USP14: variants seen among roughly 807,000 people sequenced by gnomAD.
USP14 encodes the protein ubiquitin specific peptidase 14.
In USP14, 38 loss-of-function variants were observed where a neutral mutation model predicts 76.5. The observed-to-expected ratio is 0.50, with a 90% CI of 0.38 to 0.65. The LOEUF is 0.65. Among genes scored for constraint, USP14 ranks in the 30% least tolerant of loss-of-function variants. The pLI, the probability that USP14 is intolerant of heterozygous loss-of-function variation, is 0.00. For synonymous variants in USP14, 192 were observed against 191.7 expected (o/e 1.00, Z -0.01); for missense variants, 467 against 586.5 (o/e 0.80, Z 2.10).
At position 207,257 on chromosome 18, in the gene USP14, C is replaced by CACA. The variant is rs1910555850; in HGVS notation, c.1164+2567_1164+2568insAAC. On this transcript the variant is annotated intron_variant, in intron 13 of 15. Transcript: ENST00000261601. The stretch of plus-strand genomic sequence containing the variant: ...CTTGAAATTGTGAAGTATCAGCCTT[C>CACA]ACTTTTGTTCTTCTTTTTGAAAGTT... Among the ~76,000 whole-genome samples, 4 of 145,138 alleles carry CACA rather than the reference C, an allele frequency of 2.8e-5. 1 individual carries two copies. The highest frequency in any genetic ancestry group is 4.5e-4 in the South Asian group (2 of 4,422).
At chr18:185,653 A>T (rs2143029550) in intron 5 of USP14, among the ~76,000 whole-genome samples, 1 of 151,932 alleles carries the variant, frequency 6.6e-6, no homozygotes, top group South Asian at 2.1e-4. Context: ...TCTTTTTTTT[A>T]GCTTTTTGAG....
intron 1 of USP14, among the ~76,000 whole-genome samples, chr18:159,239 G>A (rs1909046590): frequency 6.6e-6 from 1 of 152,156 alleles, no homozygotes; most frequent in Non-Finnish European, 1.5e-5. Flanking sequence ...GTTTTGTCCC[G>A]AGGCAGATTG....
chr18:202,009 A>T (rs1910396050), intron 10 of USP14, among the ~76,000 whole-genome samples: 1 of 152,232 alleles, frequency 6.6e-6, no homozygotes. Flanking sequence ...TCCTTTTGTA[A>T]TATGATTAGT....
chr18:161,558 C>T (rs1454301399), intron 1 of USP14, among the ~76,000 whole-genome samples: 2 of 152,134 alleles, frequency 1.3e-5, no homozygotes, highest in Non-Finnish European at 2.9e-5. Flanking sequence ...TAGTTAATTA[C>T]TCTAGCCTCC....
chr18:200,808 T>C (rs190451243), intron 10 of USP14, among the ~76,000 whole-genome samples: 40 of 152,266 alleles, frequency 2.6e-4, no homozygotes, highest in Non-Finnish European at 5.1e-4. Flanking sequence ...TATTTATTTA[T>C]TTACTTATTT....
intron 5 of USP14, among the ~76,000 whole-genome samples, chr18:185,860 A>ATT (rs34807173): frequency 1.4e-4 from 17 of 125,046 alleles, no homozygotes; most frequent in African/African-American, 4.8e-4. Flanking sequence ...TGCCCAGCTG[A>ATT]TTTTTTTTTT....
At chr18:178,857 T>C in intron 3 of USP14, 76 bp from the exon 4 acceptor site, 1 of 1,085,346 alleles carries the variant, frequency 9.2e-7, no homozygotes. Flanking sequence ...GTTCTTTTGT[T>C]CCTGGCTTCT....
chr18:196,618 T>C lies in USP14; in HGVS notation c.464-19T>C, dbSNP rs773749891. On this transcript the variant is annotated intron_variant, in intron 6 of 15. Coordinates refer to ENST00000261601, the MANE Select transcript of USP14 (RefSeq NM_005151.4). The stretch of plus-strand genomic sequence containing the variant: ...ATATGTGACTGTTTTACTAAGGCAA[T>C]GTTTGCTTTGTCTTTAAGCCCTTAG... 2 of 1,604,688 alleles carry C rather than the reference T, an allele frequency of 1.2e-6. No homozygotes were observed. Among genetic ancestry groups the C allele is most frequent in the South Asian group, 2.2e-5 (2 of 88,960 alleles).
chr18:161,068 C>T (rs1362199056), intron 1 of USP14, among the ~76,000 whole-genome samples: 1 of 152,150 alleles, frequency 6.6e-6, no homozygotes, highest in South Asian at 2.1e-4. Flanking sequence ...GCTGGAATTA[C>T]AGGCGCCTGC....
chr18:182,630 A>T (rs1909816959), intron 5 of USP14, among the ~76,000 whole-genome samples: 1 of 152,184 alleles, frequency 6.6e-6, no homozygotes, highest in Non-Finnish European at 1.5e-5. Flanking sequence ...CTGTTTCAGA[A>T]CTGCTTTGAT....
At chr18:196,517 C>T (rs1953817828) in intron 6 of USP14, 120 bp from the exon 7 acceptor site, 1 of 1,135,840 alleles carries the variant, frequency 8.8e-7, no homozygotes, top group African/African-American at 1.6e-5. Flanking sequence ...GACCAAGACT[C>T]CATCTCAAAA....
Position 197,532 on chromosome 18 carries a change from C to T in USP14, c.595-84C>T, listed in dbSNP as rs886812650. The T allele has an allele frequency of 1.3e-5, 14 of 1,071,270 alleles. 1 individual carries two copies. The highest frequency in any genetic ancestry group is 1.8e-5 in the Non-Finnish European group (13 of 716,886). The allele number at this position is 1,071,270 out of a possible 1,614,324, so 66.4% of individuals were successfully genotyped here. On this transcript the variant is annotated intron_variant, in intron 7 of 15. Coordinates refer to ENST00000261601, the MANE Select transcript of USP14 (RefSeq NM_005151.4). ...TTTAAAGAAGGAAACCACTTTCTTG[C>T]CTAGGAGACAGTGATTATTTTGGAA...
In USP14 at chr18:180,353, CTT is replaced by C; in HGVS notation, c.404+19_404+20del. On this transcript the variant is annotated intron_variant, in intron 5 of 15. Coordinates refer to ENST00000261601, the MANE Select transcript of USP14 (RefSeq NM_005151.4). ...TGCCCTTAAAAGGTAAGACTGCAGT[CTT>C]TTTTGGGTAAGGGATGTTCACATTT... The C allele has an allele frequency of 6.5e-7, 1 of 1,543,524 alleles. No homozygotes were observed. Among genetic ancestry groups the C allele is most frequent in the Non-Finnish European group, 8.8e-7 (1 of 1,133,368 alleles).
intron 5 of USP14, among the ~76,000 whole-genome samples, chr18:183,198 A>G (rs993922718): frequency 6.6e-6 from 1 of 151,918 alleles, no homozygotes; most frequent in Non-Finnish European, 1.5e-5. Flanking sequence ...GGTCAAAGCC[A>G]TTTTTCCTCA....
intron 2 of USP14, among the ~76,000 whole-genome samples, chr18:164,255 T>C (rs1008324361): frequency 3.3e-5 from 5 of 152,230 alleles, no homozygotes; most frequent in African/African-American, 1.2e-4. Flanking sequence ...TGGAAAATTT[T>C]ATCTCAGTTT....
intron 2 of USP14, 30 bp from the exon 3 acceptor site, chr18:166,757 T>TTAAATGTC: frequency 6.2e-7 from 1 of 1,608,560 alleles, no homozygotes; most frequent in East Asian, 2.2e-5. Flanking sequence ...ACAGTGGTGG[T>TTAAATGTC]TAAATGTCTT....
chr18:180,363 TA>T, intron 5 of USP14, 24 bp downstream of exon 5: 1 of 1,462,234 alleles, frequency 6.8e-7, no homozygotes, highest in Non-Finnish European at 9.4e-7. Flanking sequence ...CTTTTTTGGG[TA>T]AGGGATGTTC....
At chr18:201,955 C>G (rs563182777) in intron 10 of USP14, among the ~76,000 whole-genome samples, 1 of 152,240 alleles carries the variant, frequency 6.6e-6, no homozygotes, top group South Asian at 2.1e-4. Flanking sequence ...TGCTTTGCTG[C>G]TGAATAAACT....
At chr18:206,919 G>GT (rs1038460003) in intron 13 of USP14, among the ~76,000 whole-genome samples, 13 of 152,088 alleles carry the variant, frequency 8.5e-5, no homozygotes, top group African/African-American at 2.9e-4. Flanking sequence ...TTATACGTAT[G>GT]TTTTTTTCTG....
Sources: allele counts gnomAD v4.1 joint callset (sites outside exome capture counted in the v4.1 genomes callset), GRCh38; gene constraint gnomAD v4.1.1; transcripts MANE v1.5; gene names NCBI Gene and HGNC (gene_info 2026-07-23, HGNC 2026-07-21).